KIAA1328: variants seen among roughly 807,000 people sequenced by gnomAD.
The protein encoded by KIAA1328 is KIAA1328.
In KIAA1328, 52 loss-of-function variants were observed where a neutral mutation model predicts 68.1. The observed-to-expected ratio is 0.76, with a 90% CI of 0.61 to 0.96. The LOEUF (loss-of-function observed/expected upper bound fraction) is 0.96. KIAA1328 is among the 40% of genes least tolerant of loss of function. The pLI, the probability that KIAA1328 is intolerant of heterozygous loss-of-function variation, is 0.00. For missense variants in KIAA1328, 641 were observed against 677.6 expected, an observed-to-expected ratio of 0.95 and a Z score of 0.60; for synonymous variants, 232 against 239.4, an observed-to-expected ratio of 0.97 and a Z score of 0.28.
intron 5 of KIAA1328, among the ~76,000 whole-genome samples, chr18:36,956,299 G>A (rs2051412876): frequency 6.6e-6 from 1 of 152,160 alleles, no homozygotes; most frequent in African/African-American, 2.4e-5. Context: ...CTTCTTAAAA[G>A]GTGGTTAGGC....
At chr18:36,835,195 A>G in intron 2 of KIAA1328, 39 bp from the exon 3 acceptor site, 1 of 1,587,838 alleles carries the variant, frequency 6.3e-7, no homozygotes, top group Non-Finnish European at 8.6e-7. Flanking sequence ...TAAGATAATA[A>G]GGTATAATTT....
intron 6 of KIAA1328, among the ~76,000 whole-genome samples, chr18:37,035,404 G>A (rs1006214368): frequency 3.9e-5 from 6 of 152,190 alleles, no homozygotes; most frequent in South Asian, 2.1e-4. Flanking sequence ...CCTTCCAGGT[G>A]AGTTTCATGA....
intron 4 of KIAA1328, among the ~76,000 whole-genome samples, chr18:36,869,215 A>G (rs2047860170): frequency 2.0e-5 from 3 of 152,154 alleles, no homozygotes; most frequent in Admixed American, 6.5e-5. Context: ...TGGAATTTAC[A>G]CTATAGGCAG....
At chr18:37,106,064 A>T (rs1390293670) in intron 7 of KIAA1328, among the ~76,000 whole-genome samples, 1 of 151,980 alleles carries the variant, frequency 6.6e-6, no homozygotes. Context: ...AAAAATGTCT[A>T]TATGAATATT....
intron 7 of KIAA1328, among the ~76,000 whole-genome samples, chr18:37,115,817 C>G (rs2058089536): frequency 6.6e-6 from 1 of 152,208 alleles, no homozygotes; most frequent in South Asian, 2.1e-4. Flanking sequence ...TCAGCAAAGT[C>G]TCAGTATACA....
At chr18:36,952,777 T>A (rs527749135) in intron 5 of KIAA1328, among the ~76,000 whole-genome samples, 31 of 152,228 alleles carry the variant, frequency 2.0e-4, no homozygotes, top group African/African-American at 7.0e-4. Flanking sequence ...TCTCCCTGGC[T>A]CCAAGGACAG....
chr18:36,834,677 C>T (rs573260118), intron 2 of KIAA1328, among the ~76,000 whole-genome samples: 1 of 152,178 alleles, frequency 6.6e-6, no homozygotes, highest in Non-Finnish European at 1.5e-5. Flanking sequence ...AGTGTGACTA[C>T]TGCTTGATAC....
At chr18:36,829,551 G>C in intron 1 of KIAA1328, 3 of 734,226 alleles carry the variant, frequency 4.1e-6, no homozygotes, top group Non-Finnish European at 5.3e-6. Context: ...TTGAGTGTGC[G>C]GAGCTAGCTC....
chr18:37,108,795 A>G (rs534221039), intron 7 of KIAA1328, among the ~76,000 whole-genome samples: 44 of 152,080 alleles, frequency 2.9e-4, no homozygotes, highest in Admixed American at 5.2e-4. Context: ...TTTTATTATT[A>G]TACTTTAAGT....
intron 9 of KIAA1328, among the ~76,000 whole-genome samples, chr18:37,196,003 AG>A (rs1019905978): frequency 3.9e-5 from 6 of 152,236 alleles, no homozygotes; most frequent in Admixed American, 3.9e-4. Flanking sequence ...TTTTCCTTAT[AG>A]AGATCTTTCT....
intron 5 of KIAA1328, among the ~76,000 whole-genome samples, chr18:36,949,944 G>C (rs1182549577): frequency 6.6e-6 from 1 of 152,210 alleles, no homozygotes; most frequent in African/African-American, 2.4e-5. Flanking sequence ...TTTCAGACTT[G>C]TATCAGTGGC....
chr18:37,068,470 T>C (rs1014165144), intron 7 of KIAA1328, among the ~76,000 whole-genome samples: 4 of 152,244 alleles, frequency 2.6e-5, no homozygotes, highest in Admixed American at 2.0e-4. Context: ...TTACTCCACA[T>C]CCTTGTTGGC....
At chr18:37,142,913 G>T (rs1285496112) in intron 7 of KIAA1328, among the ~76,000 whole-genome samples, 1 of 150,174 alleles carries the variant, frequency 6.7e-6, no homozygotes, top group Non-Finnish European at 1.5e-5. Context: ...TCCAGTCCAT[G>T]AAAATAGTTT....
intron 7 of KIAA1328, among the ~76,000 whole-genome samples, chr18:37,094,188 T>A (rs892443125): frequency 6.6e-6 from 1 of 152,154 alleles, no homozygotes; most frequent in African/African-American, 2.4e-5. Flanking sequence ...ACTGCTGATC[T>A]CACAGGAGGC....
chr18:37,019,096 TTTC>T (rs905252576), intron 6 of KIAA1328, among the ~76,000 whole-genome samples: 12 of 151,808 alleles, frequency 7.9e-5, no homozygotes, highest in African/African-American at 2.7e-4. Flanking sequence ...GGCAGGATAT[TTTC>T]TTTTTTCCTA....
chr18:37,081,250 G>A (rs1436334066), intron 7 of KIAA1328, among the ~76,000 whole-genome samples: 2 of 152,080 alleles, frequency 1.3e-5, no homozygotes, highest in Non-Finnish European at 2.9e-5. Flanking sequence ...CCAAAGTGCC[G>A]GGATTACAGG....
intron 6 of KIAA1328, among the ~76,000 whole-genome samples, chr18:37,026,537 T>G (rs1012305701): frequency 2.0e-4 from 30 of 152,068 alleles, no homozygotes; most frequent in Non-Finnish European, 4.0e-4. Flanking sequence ...GACCAAGTGG[T>G]CTTCATCCCT....
intron 9 of KIAA1328, among the ~76,000 whole-genome samples, chr18:37,219,688 G>T (rs978747379): frequency 6.6e-6 from 1 of 152,190 alleles, no homozygotes; most frequent in African/African-American, 2.4e-5. Flanking sequence ...TTGGAAAAGC[G>T]CAGTGTTTGG....
intron 7 of KIAA1328, among the ~76,000 whole-genome samples, chr18:37,151,858 T>G (rs1283301231): frequency 6.6e-6 from 1 of 151,886 alleles, no homozygotes; most frequent in Non-Finnish European, 1.5e-5. Flanking sequence ...TATCAGAACT[T>G]TTGCACGGTG....
Sources: gnomAD v4.1 joint callset for allele counts (sites outside exome capture counted in the v4.1 genomes callset) on GRCh38, gnomAD v4.1.1 for gene constraint, MANE v1.5 for transcripts, NCBI Gene and HGNC (gene_info 2026-07-23, HGNC 2026-07-21) for gene names.